ATRN: variants seen among roughly 807,000 people sequenced by gnomAD.
ATRN encodes the protein attractin-2.
A neutral mutation model predicts 178.7 loss-of-function variants in ATRN; 54 were observed. The ratio of observed to expected loss-of-function variants is 0.30; its 90% confidence interval spans 0.24 to 0.38. The LOEUF (loss-of-function observed/expected upper bound fraction) is 0.38, where lower values mean the gene tolerates loss of function less well. ATRN is among the 10% of genes least tolerant of loss of function. The pLI, the probability that ATRN is intolerant of heterozygous loss-of-function variation, is 1.00. For synonymous variants in ATRN, 636 were observed against 663.0 expected, an observed-to-expected ratio of 0.96 and a Z score of 0.63; for missense variants, 1,443 against 1,815.1, an observed-to-expected ratio of 0.79 and a Z score of 3.73.
At chr20:3,568,688 T>C (rs953514277) in intron 11 of ATRN, among the ~76,000 whole-genome samples, 15 of 152,218 alleles carry the variant, frequency 9.9e-5, no homozygotes, top group African/African-American at 3.6e-4. Flanking sequence ...AACTTTCTTT[T>C]ATGTGTGTTT....
At chr20:3,486,938 G>A (rs988082323) in intron 1 of ATRN, among the ~76,000 whole-genome samples, 1 of 151,990 alleles carries the variant, frequency 6.6e-6, no homozygotes, top group Non-Finnish European at 1.5e-5. Flanking sequence ...CTCTTAGTAC[G>A]ACTTTTAGAC....
At chr20:3,544,326 G>A (rs1338191634) in intron 3 of ATRN, among the ~76,000 whole-genome samples, 1 of 152,140 alleles carries the variant, frequency 6.6e-6, no homozygotes, top group Non-Finnish European at 1.5e-5. Flanking sequence ...TCAACCTGTT[G>A]CCATCTGAAC....
chr20:3,533,783 A>G (rs914067345), intron 1 of ATRN, among the ~76,000 whole-genome samples: 3 of 152,168 alleles, frequency 2.0e-5, no homozygotes, highest in Admixed American at 1.3e-4. Context: ...TTCTACATCT[A>G]TATCTATATA....
At chr20:3,516,921 A>G (rs1274753595) in intron 1 of ATRN, among the ~76,000 whole-genome samples, 3 of 151,854 alleles carry the variant, frequency 2.0e-5, no homozygotes, top group African/African-American at 7.3e-5. Context: ...AGTCTTTGCT[A>G]TTGTGAACAG....
At chr20:3,475,545 G>A (rs1282923111) in intron 1 of ATRN, among the ~76,000 whole-genome samples, 3 of 152,186 alleles carry the variant, frequency 2.0e-5, no homozygotes, top group Admixed American at 6.5e-5. Context: ...TTCTAAGGCA[G>A]TACCACTTTC....
At chr20:3,498,707 C>T (rs2146103144) in intron 1 of ATRN, among the ~76,000 whole-genome samples, 1 of 152,084 alleles carries the variant, frequency 6.6e-6, no homozygotes, top group East Asian at 1.9e-4. Context: ...CTATCTATGA[C>T]AAACCCACAG....
chr20:3,484,085 A>T (rs979794233), intron 1 of ATRN, among the ~76,000 whole-genome samples: 4 of 152,022 alleles, frequency 2.6e-5, no homozygotes, highest in Non-Finnish European at 5.9e-5. Context: ...CCATCTCTAT[A>T]AAAAAATTTA....
chr20:3,629,303 C>T (rs368341796), intron 25 of ATRN: 2 of 985,124 alleles, frequency 2.0e-6, no homozygotes, highest in African/African-American at 1.7e-5. Context: ...GGTGAACTGG[C>T]GTCCGCTTTT....
rs1332879733 is a variant in ATRN, at chr20:3,540,374, T to A, written c.608+39T>A. On this transcript the variant is annotated intron_variant, in intron 3 of 28. Transcript: ENST00000262919. The stretch of plus-strand genomic sequence containing the variant: ...TACAAGCCTTCTTTCATCGTTTGAT[T>A]TCTAAATTTAAACATATCTTCTGGA... The A allele has an allele frequency of 2.3e-6, 3 of 1,314,972 alleles. No homozygotes were observed. In the East Asian group the frequency reaches 7.0e-5, roughly 31 times the overall value. The allele number at this position is 1,314,972 out of a possible 1,614,324, so 81.5% of individuals were successfully genotyped here.
At chr20:3,541,424 G>A (rs2085620842) in intron 3 of ATRN, among the ~76,000 whole-genome samples, 1 of 150,588 alleles carries the variant, frequency 6.6e-6, no homozygotes, top group Non-Finnish European at 1.5e-5. Flanking sequence ...GCAGGAATAG[G>A]TTTTGAGAAA....
intron 1 of ATRN, among the ~76,000 whole-genome samples, chr20:3,510,542 T>C (rs1271413997): frequency 5.3e-5 from 8 of 152,348 alleles, no homozygotes; most frequent in Middle Eastern, 3.4e-3. Context: ...TTTAATGATA[T>C]TGACATTCTT....
intron 11 of ATRN, 55 bp downstream of exon 11, chr20:3,565,487 GC>G: frequency 6.7e-7 from 1 of 1,491,144 alleles, no homozygotes; most frequent in Admixed American, 1.7e-5. Flanking sequence ...AAAATAAAGG[GC>G]CGGGCACGGT....
At chr20:3,510,112 A>G (rs2085104641) in intron 1 of ATRN, among the ~76,000 whole-genome samples, 2 of 152,190 alleles carry the variant, frequency 1.3e-5, no homozygotes, top group South Asian at 2.1e-4. Context: ...TTTACCTTCA[A>G]TATATTTGAC....
At position 3,645,060 on chromosome 20, in the gene ATRN, G is replaced by C. The variant is rs150618966; in HGVS notation, c.4165+792G>C. Among the ~76,000 whole-genome samples the C allele has an allele frequency of 4.1e-3, 618 of 152,288 alleles. 3 individuals are homozygous for C. Among genetic ancestry groups the C allele is most frequent in the African/African-American group, 0.014 (566 of 41,560 alleles). The stretch of plus-strand genomic sequence containing the variant: ...TTCTATTTTGAAGACAGAAAATATG[G>C]AATACAGTTTTGAAAGTATCTCGCT... On this transcript the variant is annotated intron_variant, in intron 28 of 28. Transcript: ENST00000262919. This position sits in a 1 kb window ranked among gnomAD's most constrained non-coding sequence, Gnocchi z 4.7.
rs779878870 is a variant in ATRN at position 3,638,901 on chromosome 20, A to G, written c.4016A>G (p.Glu1339Gly). The G allele has an allele frequency of 1.9e-6, 3 of 1,614,170 alleles. No homozygotes were observed. Among genetic ancestry groups the G allele is most frequent in the East Asian group, 2.2e-5 (1 of 44,866 alleles). Residue 1339 changes from glutamate (E) to glycine (G), a missense_variant, in exon 27 of 29, where the codon GAG becomes GGG. Around this residue, in one of 4 missense-constraint regions of ATRN, gnomAD observed 289 missense variants for 440.8 expected, o/e 0.66. Transcript: ENST00000262919. The surrounding 1 kb of genome is among the most constrained non-coding windows in gnomAD (Gnocchi z 4.5). ...GTAAATGTCGCCTTGGAAACAGATG[A>G]GGAGCCTCCTGATCTTATTGGGGGG... ...ASVNVALETD[E>G]EPPDLIGGSI... is the part of the protein sequence containing the mutation.
At chr20:3,552,993 T>C (rs1390806737) in intron 6 of ATRN, among the ~76,000 whole-genome samples, 1 of 152,086 alleles carries the variant, frequency 6.6e-6, no homozygotes, top group East Asian at 1.9e-4. Context: ...TAAAAGCAAG[T>C]CATAGATCCT....
At position 3,649,217 on chromosome 20, in the gene ATRN, T is replaced by C. The variant is rs1384346368; in HGVS notation, c.*2370T>C. On this transcript the variant is annotated 3_prime_UTR_variant, in exon 29 of 29. Transcript: ENST00000262919. ...CTCGGAGCCTGTTTCCAAGAAGGAA[T>C]TGGTTGTCATCTGGCAGTGTTGCGC... 6.6e-6 allele frequency: 1 copy of C among 152,450 alleles called. No homozygotes were observed. The highest frequency in any genetic ancestry group is 1.5e-5 in the Non-Finnish European group (1 of 68,018). The allele number at this position is 152,450 out of a possible 1,614,324, so 9.4% of individuals were successfully genotyped here.
chr20:3,481,385 T>C (rs79882052), intron 1 of ATRN, among the ~76,000 whole-genome samples: 6,055 of 152,306 alleles, frequency 0.04, 164 homozygotes, highest in Non-Finnish European at 0.057. Context: ...CTGTCACCCG[T>C]GCTGAAGTGC....
At chr20:3,514,824 G>T (rs1422713156) in intron 1 of ATRN, among the ~76,000 whole-genome samples, 2 of 152,108 alleles carry the variant, frequency 1.3e-5, no homozygotes, top group Non-Finnish European at 2.9e-5. Context: ...AGGCATGGTG[G>T]TGTGTGCCTC....
Sources: allele counts gnomAD v4.1 joint callset (sites outside exome capture counted in the v4.1 genomes callset), GRCh38; gene constraint gnomAD v4.1.1; regional missense constraint gnomAD v4.1.1; non-coding constraint Gnocchi (gnomAD v3.1); transcripts MANE v1.5; gene names NCBI Gene and HGNC (gene_info 2026-07-23, HGNC 2026-07-21).